Variants in PCDH15 observed in about 807,000 individuals in gnomAD.
The protein encoded by PCDH15 is protocadherin-15.
PCDH15 carries 129 observed loss-of-function variants against 178.5 expected under a neutral mutation model. The observed-to-expected ratio is 0.72, with a 90% CI of 0.63 to 0.84. The LOEUF is 0.84. Ranked by LOEUF, PCDH15 falls within the 40% of genes least tolerant of loss-of-function variation. The pLI is 0.00. For missense variants in PCDH15, 2,230 were observed against 2,099.9 expected (o/e 1.06, Z -1.21); for synonymous variants, 800 against 732.0 (o/e 1.09, Z -1.50).
chr10:55,001,985 G>A (rs988859550), intron 2 of PCDH15, among the ~76,000 whole-genome samples: 2 of 152,184 alleles, frequency 1.3e-5, no homozygotes, highest in Non-Finnish European at 2.9e-5. Context: ...AACCCAAGAT[G>A]TTTATCACTG....
chr10:54,740,102 C>A (rs1238373936), intron 1 of PCDH15, among the ~76,000 whole-genome samples: 1 of 151,778 alleles, frequency 6.6e-6, no homozygotes, highest in Non-Finnish European at 1.5e-5. Flanking sequence ...AGACAGTCCA[C>A]AGAATGGGAG....
intron 9 of PCDH15, among the ~76,000 whole-genome samples, chr10:54,222,383 C>T (rs1264478505): frequency 6.6e-6 from 1 of 152,166 alleles, no homozygotes; most frequent in Non-Finnish European, 1.5e-5. Flanking sequence ...TTGTTCATCA[C>T]CACCGTACTT....
chr10:55,263,173 C>G (rs1473442676), intron 1 of PCDH15, among the ~76,000 whole-genome samples: 2 of 151,738 alleles, frequency 1.3e-5, no homozygotes, highest in Non-Finnish European at 2.9e-5. Flanking sequence ...CTTTTTCCTG[C>G]AGGTAAGAGG....
chr10:54,838,867 A>G (rs1283518587), intron 3 of PCDH15, among the ~76,000 whole-genome samples: 1 of 152,140 alleles, frequency 6.6e-6, no homozygotes, highest in Non-Finnish European at 1.5e-5. Context: ...CACTGACTCA[A>G]TAGGAAACCT....
At chr10:55,213,167 G>A (rs1031554569) in intron 1 of PCDH15, among the ~76,000 whole-genome samples, 3 of 152,048 alleles carry the variant, frequency 2.0e-5, no homozygotes, top group African/African-American at 7.3e-5. Context: ...CATCTGGCAT[G>A]GTTTTGGGAT....
intron 1 of PCDH15, among the ~76,000 whole-genome samples, chr10:54,667,952 C>T (rs138803137): frequency 1.4e-3 from 220 of 152,032 alleles, no homozygotes; most frequent in African/African-American, 5.0e-3. Context: ...TAATATTACA[C>T]GTAAGTGGTT....
At chr10:54,105,428 A>C (rs1463126602) in intron 15 of PCDH15, among the ~76,000 whole-genome samples, 2 of 151,782 alleles carry the variant, frequency 1.3e-5, no homozygotes, top group Admixed American at 6.6e-5. Flanking sequence ...GAGGTTTCAC[A>C]ATAGGCTGTC....
At chr10:54,586,657 T>C (rs916201475) in intron 2 of PCDH15, among the ~76,000 whole-genome samples, 1 of 152,190 alleles carries the variant, frequency 6.6e-6, no homozygotes, top group African/African-American at 2.4e-5. Flanking sequence ...CAGGTACTCC[T>C]CAATTTACAG....
At chr10:55,386,227 C>T (rs1278671324) in intron 2 of PCDH15, among the ~76,000 whole-genome samples, 1 of 151,794 alleles carries the variant, frequency 6.6e-6, no homozygotes, top group Non-Finnish European at 1.5e-5. Context: ...ACAGTCTCTG[C>T]CACTACTCAT....
chr10:54,901,500 A>T (rs1245668592), intron 2 of PCDH15, among the ~76,000 whole-genome samples: 3 of 152,138 alleles, frequency 2.0e-5, no homozygotes, highest in Non-Finnish European at 2.9e-5. Context: ...TAATAATGTG[A>T]TTTATTCATG....
intron 2 of PCDH15, among the ~76,000 whole-genome samples, chr10:55,031,523 C>A (rs1485681400): frequency 6.6e-6 from 1 of 152,186 alleles, no homozygotes; most frequent in African/African-American, 2.4e-5. Flanking sequence ...GCATGAGTCT[C>A]AGACCGGCAT....
At chr10:54,467,158 A>T (rs868126446) in intron 3 of PCDH15, among the ~76,000 whole-genome samples, 1 of 151,760 alleles carries the variant, frequency 6.6e-6, no homozygotes, top group African/African-American at 2.4e-5. Flanking sequence ...TTTTTAATCC[A>T]TCTGATGATG....
chr10:55,254,589 A>G (rs891444284), intron 1 of PCDH15, among the ~76,000 whole-genome samples: 1 of 152,196 alleles, frequency 6.6e-6, no homozygotes, highest in African/African-American at 2.4e-5. Flanking sequence ...AGAAAAAAAT[A>G]TATATCAAGA....
At chr10:54,593,497 A>G (rs2092016011) in intron 2 of PCDH15, among the ~76,000 whole-genome samples, 1 of 151,918 alleles carries the variant, frequency 6.6e-6, no homozygotes, top group Admixed American at 6.6e-5. Context: ...GCATGGATTT[A>G]TTTCTGGGCT....
chr10:53,977,728 TC>T (rs2090301877), intron 21 of PCDH15, among the ~76,000 whole-genome samples: 1 of 152,196 alleles, frequency 6.6e-6, no homozygotes, highest in South Asian at 2.1e-4. Context: ...GCAAGTACCT[TC>T]TGCTTATGAG....
intron 2 of PCDH15, among the ~76,000 whole-genome samples, chr10:55,094,328 G>A (rs1436506348): frequency 6.6e-6 from 1 of 151,958 alleles, no homozygotes; most frequent in African/African-American, 2.4e-5. Context: ...ACTCATAGGT[G>A]GGAATTGAAC....
chr10:55,251,769 C>G (rs1592021956), intron 1 of PCDH15, among the ~76,000 whole-genome samples: 1 of 152,018 alleles, frequency 6.6e-6, no homozygotes, highest in Non-Finnish European at 1.5e-5. Context: ...TCAGGATACA[C>G]TAGGTTATGA....
At chr10:54,388,687 C>A (rs1382830466) in intron 3 of PCDH15, among the ~76,000 whole-genome samples, 7 of 152,088 alleles carry the variant, frequency 4.6e-5, no homozygotes, top group African/African-American at 1.4e-4. Flanking sequence ...TTGCTATGAT[C>A]CTTCACCTTA....
intron 26 of PCDH15, among the ~76,000 whole-genome samples, chr10:53,870,690 C>T (rs1321060169): frequency 6.6e-6 from 1 of 152,166 alleles, no homozygotes; most frequent in Non-Finnish European, 1.5e-5. Context: ...CAATTTATAA[C>T]AAATACATAT....
Sources: gnomAD v4.1 joint callset for allele counts (sites outside exome capture counted in the v4.1 genomes callset) on GRCh38, gnomAD v4.1.1 for gene constraint, MANE v1.5 for transcripts, NCBI Gene and HGNC (gene_info 2026-07-23, HGNC 2026-07-21) for gene names.